The following EGFLAM variants were observed in gnomAD, a reference collection of about 807,000 sequenced individuals.
The protein encoded by EGFLAM is EGF like, fibronectin type III and laminin G domains, also known as pikachurin.
Under a neutral mutation model 113.1 loss-of-function variants are expected in EGFLAM, and 79 were observed. The ratio of observed to expected loss-of-function variants is 0.70; its 90% confidence interval spans 0.58 to 0.84. EGFLAM has a LOEUF of 0.84. EGFLAM is among the 40% of genes least tolerant of loss of function. The probability of loss-of-function intolerance (pLI) is 0.00; values close to 1 mark genes in which losing one functional copy is unlikely to be tolerated. For missense variants in EGFLAM, 1,265 were observed against 1,291.6 expected (o/e 0.98, Z 0.32); for synonymous variants, 504 against 487.6 (o/e 1.03, Z -0.44).
intron 1 of EGFLAM, among the ~76,000 whole-genome samples, chr5:38,281,159 A>T (rs1381871565): frequency 6.6e-6 from 1 of 152,180 alleles, no homozygotes. Flanking sequence ...ACAACATTGT[A>T]TTTTACACTT....
In EGFLAM at chr5:38,349,612, A is replaced by G. The variant is rs191057468; in HGVS notation, c.292-889A>G. Among the ~76,000 whole-genome samples the G allele has an allele frequency of 6.6e-5, 10 of 152,200 alleles. No individual in the cohort carries two copies. In the East Asian group the frequency reaches 1.7e-3, roughly 26 times the overall value. On this transcript the variant is annotated intron_variant, in intron 3 of 21. Transcript: ENST00000322350. ...CTACAATGCCAGTGCCCTTTCCACT[A>G]CAATGGGCTGCTGCTTCCCACCGAT... is the stretch of plus-strand genomic sequence containing the variant.
chr5:38,367,369 C>T (rs1473324000), intron 5 of EGFLAM, among the ~76,000 whole-genome samples: 2 of 151,198 alleles, frequency 1.3e-5, no homozygotes, highest in Non-Finnish European at 2.9e-5. Context: ...ACCTCAGCCT[C>T]CTTAGTAGCT....
Position 38,406,005 on chromosome 5 carries a change from T to C in EGFLAM, c.713-121T>C. Reference sequence around the variant, plus strand: ...GCTTCCTTTTCTGTGTTGAATTCATTGTTATGTTTCCAATACACTGCGTTC... The same window carrying C: ...GCTTCCTTTTCTGTGTTGAATTCATCGTTATGTTTCCAATACACTGCGTTC... On this transcript the variant is annotated intron_variant, in intron 6 of 21. Transcript: ENST00000322350. 5.1e-6 allele frequency: 4 copies of C among 790,242 alleles called. No individual in the cohort carries two copies. The Admixed American group carries it at 5.9e-5, about 12-fold the overall frequency. The allele number at this position is 790,242 out of a possible 1,614,324, so 49.0% of individuals were successfully genotyped here. A position where few individuals can be genotyped will look rare whatever the true frequency, so the allele number is the denominator to read the frequency against.
At chr5:38,301,017 T>C (rs1343914979) in intron 1 of EGFLAM, among the ~76,000 whole-genome samples, 1 of 152,092 alleles carries the variant, frequency 6.6e-6, no homozygotes. Flanking sequence ...GGTTGGGAGA[T>C]CAGGAGTTCT....
At chr5:38,395,394 T>C (rs1740933612) in intron 6 of EGFLAM, among the ~76,000 whole-genome samples, 1 of 152,012 alleles carries the variant, frequency 6.6e-6, no homozygotes, top group African/African-American at 2.4e-5. Context: ...ACTACAAGTG[T>C]GAGCTACTGT....
intron 6 of EGFLAM, among the ~76,000 whole-genome samples, chr5:38,379,675 G>C (rs1291046148): frequency 1.3e-5 from 2 of 151,898 alleles, no homozygotes; most frequent in African/African-American, 2.4e-5. Context: ...TTGTGTTGGG[G>C]GGACATTTCC....
chr5:38,394,549 A>G (rs1740904129), intron 6 of EGFLAM, among the ~76,000 whole-genome samples: 1 of 151,508 alleles, frequency 6.6e-6, no homozygotes, highest in South Asian at 2.1e-4. Flanking sequence ...AGCTGGGACT[A>G]CAGGCACCCG....
chr5:38,462,756 GC>G, intron 20 of EGFLAM, 151 bp from the exon 21 acceptor site: 1 of 812,928 alleles, frequency 1.2e-6, no homozygotes, highest in Non-Finnish European at 1.9e-6. Flanking sequence ...CCACACATTT[GC>G]TTTTTGCTTT....
At chr5:38,426,914 G>T (rs899319728) in intron 13 of EGFLAM, 95 bp from the exon 14 acceptor site, 25 of 1,536,934 alleles carry the variant, frequency 1.6e-5, no homozygotes, top group East Asian at 2.3e-5. Flanking sequence ...TTGTAGTTTA[G>T]GTCTGTACCC....
At position 38,463,937 on chromosome 5, in the gene EGFLAM, TG is replaced by T. The variant is rs772065295; in HGVS notation, c.2983del (p.Glu995LysfsTer61). On this transcript the variant is annotated frameshift_variant, in exon 22 of 22. Transcript: ENST00000322350. LOFTEE classifies it high-confidence loss of function. Reference sequence around the variant, plus strand: ...TCCACCGATTACCACATTTCCCTCGTGGAAGATGCCGTGGATGGGAAAAACA... The same window carrying T: ...TCCACCGATTACCACATTTCCCTCGTGAAGATGCCGTGGATGGGAAAAACA... Reference protein sequence around the residue: ...TLSTDYHISLVEDAVDGKNIN... With the variant: ...TLSTDYHISLXEDAVDGKNIN... 1 of 1,614,220 alleles carries T rather than the reference TG, an allele frequency of 6.2e-7. No individual in the cohort carries two copies. Among genetic ancestry groups the T allele is most frequent in the Non-Finnish European group, 8.5e-7 (1 of 1,180,044 alleles).
chr5:38,435,974 C>T (rs549865697), intron 16 of EGFLAM, among the ~76,000 whole-genome samples: 2 of 152,130 alleles, frequency 1.3e-5, no homozygotes, highest in East Asian at 1.9e-4. Context: ...CCTGCCACCA[C>T]GTCCAGCTAA....
chr5:38,342,715 G>C (rs184914246), intron 3 of EGFLAM, among the ~76,000 whole-genome samples: 15 of 152,230 alleles, frequency 9.9e-5, no homozygotes, highest in Non-Finnish European at 1.2e-4. Context: ...AAATAGAAAA[G>C]AATGTTTAGG....
rs373390189 is a variant in EGFLAM at position 38,409,115 on chromosome 5, C to T, written c.1349+11C>T. The T allele has an allele frequency of 3.0e-5, 46 of 1,548,568 alleles. No individual in the cohort carries two copies. Among genetic ancestry groups the T allele is most frequent in the Admixed American group, 2.0e-5 (1 of 50,652 alleles). ...CTCCCTGCAGTTCAGGTAATTCCTG[C>T]CAAAAGCCTCACACTCTTTTTTTGT... On this transcript the variant is annotated intron_variant, in intron 10 of 21. Coordinates refer to ENST00000322350, the MANE Select transcript of EGFLAM (RefSeq NM_152403.4).
intron 12 of EGFLAM, among the ~76,000 whole-genome samples, chr5:38,422,024 CAG>C (rs1741840899): frequency 1.3e-5 from 2 of 152,106 alleles, no homozygotes; most frequent in South Asian, 2.1e-4. Context: ...GTGGTAGAAA[CAG>C]AGACGGATCT....
At chr5:38,279,324 A>T (rs1055701787) in intron 1 of EGFLAM, among the ~76,000 whole-genome samples, 2 of 152,206 alleles carry the variant, frequency 1.3e-5, no homozygotes, top group African/African-American at 4.8e-5. Context: ...TTATCTAAAA[A>T]TTAATAGAAC....
chr5:38,449,063 C>A (rs1413344836), intron 18 of EGFLAM, among the ~76,000 whole-genome samples: 2 of 152,184 alleles, frequency 1.3e-5, no homozygotes, highest in East Asian at 3.8e-4. Flanking sequence ...ATCCTCAACT[C>A]GGTCAAGCTT....
Position 38,407,031 on chromosome 5 carries a change from C to T in EGFLAM, c.1032C>T (p.Asp344=), listed in dbSNP as rs935697454. Residue 344 remains aspartate, a synonymous_variant, in exon 8 of 22, where the codon GAC becomes GAT. Coordinates refer to ENST00000322350, the MANE Select transcript of EGFLAM (RefSeq NM_152403.4). The stretch of plus-strand genomic sequence containing the variant: ...TGGCCATAATGTCAAGGCTCTTTGA[C>T]ATGCCTTGTGATGAAACTCTCTGCT... ...NGVAIMSRLF[D]MPCDETLCSA... The T allele has an allele frequency of 2.5e-6, 4 of 1,614,206 alleles. No individual in the cohort carries two copies. The East Asian group carries it at 8.9e-5, about 36-fold the overall frequency.
intron 19 of EGFLAM, among the ~76,000 whole-genome samples, chr5:38,456,577 G>T (rs1043942313): frequency 6.6e-6 from 1 of 152,068 alleles, no homozygotes; most frequent in Non-Finnish European, 1.5e-5. Context: ...TTTGTCCCAG[G>T]GTTTGTCAAG....
At chr5:38,313,345 G>A (rs1298582094) in intron 1 of EGFLAM, among the ~76,000 whole-genome samples, 1 of 152,004 alleles carries the variant, frequency 6.6e-6, no homozygotes, top group African/African-American at 2.4e-5. Context: ...TTAAATTCTT[G>A]GCAAGCATCA....
Sources: allele counts gnomAD v4.1 joint callset (sites outside exome capture counted in the v4.1 genomes callset), GRCh38; gene constraint gnomAD v4.1.1; transcripts MANE v1.5; gene names NCBI Gene and HGNC (gene_info 2026-07-23, HGNC 2026-07-21).